CACNA1H: variants seen among roughly 807,000 people sequenced by gnomAD.
CACNA1H encodes the protein voltage-dependent T-type calcium channel subunit alpha-1H.
CACNA1H carries 149 observed loss-of-function variants against 192.5 expected under a neutral mutation model. That is an observed-to-expected ratio of 0.77 (90% CI 0.68 to 0.89). CACNA1H has a LOEUF of 0.89. Ranked by LOEUF, CACNA1H falls within the 40% of genes least tolerant of loss-of-function variation. CACNA1H has a pLI of 0.00. For synonymous variants in CACNA1H, 2,202 were observed against 1,475.2 expected (o/e 1.49, Z -11.29); for missense variants, 4,257 against 3,423.5 (o/e 1.24, Z -6.08).
chr16:1,187,644 C>T (rs1181900137), intron 2 of CACNA1H, among the ~76,000 whole-genome samples: 1 of 152,216 alleles, frequency 6.6e-6, no homozygotes, highest in Non-Finnish European at 1.5e-5. Context: ...TGTCAGGATG[C>T]AGCCGAGCAG....
intron 11 of CACNA1H, 91 bp downstream of exon 11, chr16:1,205,356 G>A (rs1241197393): frequency 3.7e-6 from 5 of 1,354,084 alleles, no homozygotes; most frequent in East Asian, 4.6e-5. Flanking sequence ...CCAGAGCACA[G>A]GAGGAAGTAC....
At position 1,220,100 on chromosome 16, in the gene CACNA1H, G is replaced by GTCCCCACCACGC; in HGVS notation, c.6176_6187dup (p.Pro2059_Pro2062dup). 6 of 1,480,392 alleles carry GTCCCCACCACGC rather than the reference G, an allele frequency of 4.1e-6. No homozygotes were observed. The highest frequency in any genetic ancestry group is 5.4e-6 in the Non-Finnish European group (6 of 1,117,860). The allele number at this position is 1,480,392 out of a possible 1,614,324, so 91.7% of individuals were successfully genotyped here. On this transcript the variant is annotated inframe_insertion, in exon 35 of 35. Transcript: ENST00000348261. ...CGGTGACCCAGGGGGGCTCCCTGCA[G>GTCCCCACCACGC]TCCCCACCACGCTCCCCACGGCCCG...
At chr16:1,200,602 T>C (rs1253637039) in intron 7 of CACNA1H, 31 bp downstream of exon 7, 2 of 1,607,934 alleles carry the variant, frequency 1.2e-6, no homozygotes, top group Admixed American at 1.7e-5. Context: ...ACGGGGACCC[T>C]GGGGCACGGC....
intron 2 of CACNA1H, among the ~76,000 whole-genome samples, chr16:1,183,977 G>C (rs546404721): frequency 6.6e-6 from 1 of 152,224 alleles, no homozygotes; most frequent in African/African-American, 2.4e-5. Context: ...CGTCTGCCTC[G>C]GCAGCTGTGG....
chr16:1,182,139 G>T (rs998873642), intron 2 of CACNA1H, among the ~76,000 whole-genome samples: 1 of 152,208 alleles, frequency 6.6e-6, no homozygotes, highest in Non-Finnish European at 1.5e-5. Context: ...AGCAGGGTCC[G>T]TGCCTGAGAC....
chr16:1,220,826 G>T lies in CACNA1H; in HGVS notation c.6894G>T (p.Gly2298=). 1.2e-6 allele frequency: 2 copies of T among 1,612,780 alleles called. No individual in the cohort carries two copies. Among genetic ancestry groups the T allele is most frequent in the Admixed American group, 1.7e-5 (1 of 60,018 alleles). Residue 2298 remains glycine, a synonymous_variant, in exon 35 of 35, where the codon GGG becomes GGT. Transcript: ENST00000348261. ...CAGAATCCAGAGCTTCCTCTTCAGG[G>T]GCCATAGTGCCCCTGGAACCCCCAG... ...VTPESRASSS[G]AIVPLEPPES...
intron 2 of CACNA1H, among the ~76,000 whole-genome samples, chr16:1,160,349 C>G (rs889984614): frequency 6.6e-6 from 1 of 152,152 alleles, no homozygotes. Context: ...GATTAAGGAG[C>G]GACCACTCAC....
At chr16:1,192,116 C>T (rs1966677186) in intron 2 of CACNA1H, among the ~76,000 whole-genome samples, 1 of 152,214 alleles carries the variant, frequency 6.6e-6, no homozygotes, top group African/African-American at 2.4e-5. Context: ...GGAGCCACAC[C>T]CCTGCTTGGA....
intron 2 of CACNA1H, among the ~76,000 whole-genome samples, chr16:1,161,663 G>A (rs1963212728): frequency 6.6e-6 from 1 of 152,198 alleles, no homozygotes. Flanking sequence ...GTCACTGATG[G>A]AGTGAGGCTC....
chr16:1,190,606 TAC>T (rs1278502392), intron 2 of CACNA1H, among the ~76,000 whole-genome samples: 1 of 152,194 alleles, frequency 6.6e-6, no homozygotes, highest in Non-Finnish European at 1.5e-5. Flanking sequence ...AGGCGCGCAA[TAC>T]GCCTGCCTGT....
Position 1,183,636 on chromosome 16 carries a change from G to A in CACNA1H, c.300-11336G>A, listed in dbSNP as rs567242076. On this transcript the variant is annotated intron_variant, in intron 2 of 34. Coordinates refer to ENST00000348261, the MANE Select transcript of CACNA1H (RefSeq NM_021098.3). ...CATTGGGGTCGGGGGTCCGGGGGAG[G>A]CGCCGCACTCAGGGCAGGCTCTGGA... 2.6e-3 allele frequency among the ~76,000 whole-genome samples: 396 copies of A among 152,370 alleles called. 4 individuals carry two copies. Among genetic ancestry groups the A allele is most frequent in the African/African-American group, 9.2e-3 (382 of 41,596 alleles).
In CACNA1H at chr16:1,204,353, C is replaced by T. The variant is rs780502055; in HGVS notation, c.2346C>T (p.Phe782=). The stretch of plus-strand genomic sequence containing the variant: ...GGATGGGCCGCCTCTGGGTTACCTT[C>T]AGCGGCAAGCTGCGCCGCATCGTGG... ...PGWMGRLWVT[F]SGKLRRIVDS... is the part of the protein sequence containing the mutation. The change falls in exon 10 of 35, where the codon TTC becomes TTT. Residue 782 remains phenylalanine, a synonymous_variant. Transcript: ENST00000348261. 16 of 1,579,450 alleles carry T rather than the reference C, an allele frequency of 1.0e-5. No individual in the cohort carries two copies. The highest frequency in any genetic ancestry group is 2.3e-5 in the South Asian group (2 of 85,488).
intron 2 of CACNA1H, among the ~76,000 whole-genome samples, chr16:1,163,174 G>A (rs11864060): frequency 0.074 from 11,304 of 152,282 alleles, 1,274 homozygotes; most frequent in African/African-American, 0.24. Context: ...CCGGAGAGGC[G>A]ACAGCCACCT....
chr16:1,185,302 G>A (rs993929115), intron 2 of CACNA1H, among the ~76,000 whole-genome samples: 13 of 152,292 alleles, frequency 8.5e-5, no homozygotes, highest in Admixed American at 4.6e-4. Flanking sequence ...GGTCAGTGCC[G>A]CTGTGGACAC....
At chr16:1,155,072 C>T (rs1199386723) in intron 2 of CACNA1H, among the ~76,000 whole-genome samples, 2 of 152,248 alleles carry the variant, frequency 1.3e-5, no homozygotes, top group Non-Finnish European at 2.9e-5. Flanking sequence ...CCTGTGTACA[C>T]TTCCCTACCT....
chr16:1,195,756 G>A (rs1474524129), intron 4 of CACNA1H, among the ~76,000 whole-genome samples, 170 bp from the exon 5 acceptor site: 1 of 152,176 alleles, frequency 6.6e-6, no homozygotes, highest in Non-Finnish European at 1.5e-5. Flanking sequence ...GCCTCCTGAT[G>A]TGACCAAGCG....
At chr16:1,188,910 C>A (rs564989689) in intron 2 of CACNA1H, among the ~76,000 whole-genome samples, 1 of 152,230 alleles carries the variant, frequency 6.6e-6, no homozygotes, top group Non-Finnish European at 1.5e-5. Context: ...CAGCACTGCC[C>A]GCCCTGCGTC....
intron 31 of CACNA1H, among the ~76,000 whole-genome samples, 154 bp downstream of exon 31, chr16:1,217,164 G>A (rs1970096110): frequency 2.0e-5 from 3 of 152,218 alleles, no homozygotes; most frequent in African/African-American, 7.2e-5. Flanking sequence ...CCCTGCTTCC[G>A]GAGCCTTTTC....
At chr16:1,208,494 G>A (rs1596447505) in intron 16 of CACNA1H, among the ~76,000 whole-genome samples, 1 of 152,354 alleles carries the variant, frequency 6.6e-6, no homozygotes, top group East Asian at 1.9e-4. Context: ...ACCGAAGCAA[G>A]CAGGGGCAGA....
Sources: allele counts gnomAD v4.1 joint callset (sites outside exome capture counted in the v4.1 genomes callset), GRCh38; gene constraint gnomAD v4.1.1; transcripts MANE v1.5; gene names NCBI Gene and HGNC (gene_info 2026-07-23, HGNC 2026-07-21).